The following CEP192 variants were observed in gnomAD, a reference collection of about 807,000 sequenced individuals.
The protein encoded by CEP192 is centrosomal protein of 192 kDa.
CEP192 carries 151 observed loss-of-function variants against 271.8 expected under a neutral mutation model. The ratio of observed to expected loss-of-function variants is 0.56; its 90% CI spans 0.49 to 0.64. The LOEUF (loss-of-function observed/expected upper bound fraction) is 0.64. Ranked by LOEUF, CEP192 falls within the 30% of genes least tolerant of loss-of-function variation. The pLI, the probability that CEP192 is intolerant of heterozygous loss-of-function variation, is 0.00. For missense variants in CEP192, 2,910 were observed against 3,020.5 expected, an observed-to-expected ratio of 0.96 and a Z score of 0.86; for synonymous variants, 995 against 1,076.5, an observed-to-expected ratio of 0.92 and a Z score of 1.48.
chr18:13,023,859 T>C (rs2035132118), intron 9 of CEP192, among the ~76,000 whole-genome samples: 1 of 152,228 alleles, frequency 6.6e-6, no homozygotes, highest in South Asian at 2.1e-4. Context: ...TGGTGCATTC[T>C]ATTTTGGAAG....
Position 13,001,849 on chromosome 18 carries a change from A to G in CEP192, c.290+267A>G, listed in dbSNP as rs541185040. Among the ~76,000 whole-genome samples the G allele has an allele frequency of 2.0e-5, 3 of 152,226 alleles. No homozygotes were observed. The South Asian group carries it at 6.2e-4, about 32-fold the overall frequency. ...CTCCTGAGTAGCTGGGATTACAGGC[A>G]GGTGCCACCAAGCCCAGCTAATTGT... On this transcript the variant is annotated intron_variant, in intron 3 of 44. Transcript: ENST00000506447.
intron 9 of CEP192, among the ~76,000 whole-genome samples, chr18:13,026,557 C>T (rs549939365): frequency 6.6e-6 from 1 of 152,200 alleles, no homozygotes; most frequent in African/African-American, 2.4e-5. Context: ...AGTTGTCCTG[C>T]AGTTTTTTGA....
chr18:13,062,941 T>C (rs991818246), intron 21 of CEP192, among the ~76,000 whole-genome samples: 2 of 152,180 alleles, frequency 1.3e-5, no homozygotes, highest in Admixed American at 6.5e-5. Flanking sequence ...GTTCAATTGA[T>C]TTGATTTTTA....
intron 11 of CEP192, among the ~76,000 whole-genome samples, chr18:13,032,906 A>T (rs1598413098): frequency 6.6e-6 from 1 of 152,294 alleles, no homozygotes; most frequent in East Asian, 1.9e-4. Context: ...ATGTGGAATG[A>T]CGTAAAGCTG....
intron 2 of CEP192, among the ~76,000 whole-genome samples, chr18:13,000,821 C>T (rs1427620492): frequency 4.6e-5 from 7 of 152,144 alleles, no homozygotes; most frequent in Non-Finnish European, 7.4e-5. Flanking sequence ...GGCGTGATGG[C>T]GCACGCCTCT....
intron 15 of CEP192, among the ~76,000 whole-genome samples, chr18:13,045,132 CTCTTTT>C (rs2036406068): frequency 6.6e-6 from 1 of 152,124 alleles, no homozygotes; most frequent in Non-Finnish European, 1.5e-5. Flanking sequence ...TGTTTTCCCT[CTCTTTT>C]TCTTAATCTC....
intron 33 of CEP192, among the ~76,000 whole-genome samples, chr18:13,091,490 G>A (rs961182528): frequency 1.1e-4 from 16 of 152,118 alleles, no homozygotes; most frequent in African/African-American, 3.4e-4. Context: ...TGCAGTTGAA[G>A]CTTTTATGTG....
At chr18:12,996,879 G>A (rs1287912562) in intron 1 of CEP192, among the ~76,000 whole-genome samples, 1 of 152,180 alleles carries the variant, frequency 6.6e-6, no homozygotes, top group Non-Finnish European at 1.5e-5. Flanking sequence ...GTGGTGGGAT[G>A]AAGGCCAGAG....
intron 20 of CEP192, chr18:13,058,020 T>C: frequency 5.3e-6 from 1 of 186,956 alleles, no homozygotes; most frequent in Non-Finnish European, 1.1e-5. Flanking sequence ...AAGTTCTGAG[T>C]TTCTTGTTTC....
chr18:12,999,561 C>G lies in CEP192; in HGVS notation c.137C>G (p.Ala46Gly), dbSNP rs939130068. ...TTGCCTGTTGCTGTTTCTACACTTG[C>G]TAGGGATAGATCCAGCACTGATAAC... ...LGLPVAVSTL[A>G]RDRSSTDNRY... The change falls in exon 2 of 45, where the codon GCT becomes GGT. Residue 46 changes from alanine (A) to glycine (G), a missense_variant. Coordinates refer to ENST00000506447, the MANE Select transcript of CEP192 (RefSeq NM_032142.4). 13 of 1,549,666 alleles carry G rather than the reference C, an allele frequency of 8.4e-6. No individual in the cohort carries two copies. The African/African-American group carries it at 1.4e-4, about 16-fold the overall frequency.
chr18:13,092,809 C>T (rs1440525555), intron 34 of CEP192, among the ~76,000 whole-genome samples: 3 of 152,054 alleles, frequency 2.0e-5, no homozygotes, highest in African/African-American at 2.4e-5. Context: ...TTCTGGACCA[C>T]GTAAGAGTAA....
chr18:13,120,216 A>G (rs1259537724), intron 44 of CEP192, among the ~76,000 whole-genome samples: 1 of 151,612 alleles, frequency 6.6e-6, no homozygotes, highest in Non-Finnish European at 1.5e-5. Flanking sequence ...TAGGGACAAG[A>G]CCAACTGAGT....
At chr18:13,035,161 AG>A (rs2035850927) in intron 11 of CEP192, among the ~76,000 whole-genome samples, 1 of 152,218 alleles carries the variant, frequency 6.6e-6, no homozygotes, top group South Asian at 2.1e-4. Flanking sequence ...TCAGAGAAAA[AG>A]CATTTAGGAA....
chr18:13,071,696 A>G (rs2038022275), intron 28 of CEP192, among the ~76,000 whole-genome samples: 1 of 151,942 alleles, frequency 6.6e-6, no homozygotes. Context: ...AATGGGAGGT[A>G]GTATTTACTG....
intron 30 of CEP192, among the ~76,000 whole-genome samples, chr18:13,076,663 C>T (rs149604859): frequency 1.3e-5 from 2 of 152,252 alleles, no homozygotes; most frequent in East Asian, 1.9e-4. Context: ...AAAATTTACT[C>T]GTACGTTTCT....
Position 13,124,628 on chromosome 18 carries a change from C to A in CEP192, c.7476-4C>A. ...GCTGCTGTCATGTGCCTCTCTCTTTCCAGAGCCCAGCATTACATCAACATG... is the reference window on the plus strand; with the variant it reads ...GCTGCTGTCATGTGCCTCTCTCTTTACAGAGCCCAGCATTACATCAACATG... On this transcript the variant is annotated splice_region_variant and splice_polypyrimidine_tract_variant and intron_variant, in intron 44 of 44. Transcript: ENST00000506447. The A allele has an allele frequency of 6.2e-7, 1 of 1,609,628 alleles. No individual in the cohort carries two copies. The highest frequency in any genetic ancestry group is 1.1e-5 in the South Asian group (1 of 90,854).
intron 30 of CEP192, among the ~76,000 whole-genome samples, chr18:13,073,596 A>G (rs957021237): frequency 2.6e-5 from 4 of 152,240 alleles, no homozygotes; most frequent in African/African-American, 9.6e-5. Context: ...GTAATTTATA[A>G]TAAACAACAG....
At chr18:13,111,407 G>C (rs1170428652) in intron 40 of CEP192, among the ~76,000 whole-genome samples, 1 of 152,202 alleles carries the variant, frequency 6.6e-6, no homozygotes, top group Non-Finnish European at 1.5e-5. Flanking sequence ...TTGCAGGCGT[G>C]AGCCACCGTG....
intron 3 of CEP192, among the ~76,000 whole-genome samples, chr18:13,005,597 G>T (rs2033932814): frequency 6.6e-6 from 1 of 152,160 alleles, no homozygotes; most frequent in South Asian, 2.1e-4. Context: ...TGGGGAGGTG[G>T]AGTCTTAGAC....
Sources: gnomAD v4.1 joint callset for allele counts (sites outside exome capture counted in the v4.1 genomes callset) on GRCh38, gnomAD v4.1.1 for gene constraint, MANE v1.5 for transcripts, NCBI Gene and HGNC (gene_info 2026-07-23, HGNC 2026-07-21) for gene names.